Variants in EPHA3 observed in about 807,000 individuals in gnomAD.
EPHA3 encodes EPH receptor A3.
EPHA3 carries 42 observed loss-of-function variants against 107.1 expected under a neutral mutation model. The ratio of observed to expected loss-of-function variants is 0.39; its 90% confidence interval spans 0.31 to 0.51. The LOEUF is 0.51. Among genes scored for constraint, EPHA3 ranks in the 20% least tolerant of loss-of-function variants. EPHA3 has a pLI of 0.78. For synonymous variants in EPHA3, 461 were observed against 424.8 expected (o/e 1.09, Z -1.05); for missense variants, 1,183 against 1,211.2 (o/e 0.98, Z 0.35).
chr3:89,473,247 A>G (rs922420087), intron 16 of EPHA3, among the ~76,000 whole-genome samples: 3 of 152,208 alleles, frequency 2.0e-5, no homozygotes, highest in Non-Finnish European at 2.9e-5. Flanking sequence ...TATGCGTCAT[A>G]ATATTAATAT....
intron 3 of EPHA3, among the ~76,000 whole-genome samples, chr3:89,241,536 A>G (rs1483315753): frequency 3.3e-5 from 5 of 152,152 alleles, no homozygotes; most frequent in Non-Finnish European, 5.9e-5. Context: ...TAATTCCACT[A>G]CCATTACTAA....
At chr3:89,112,545 T>C (rs1257087598) in intron 1 of EPHA3, among the ~76,000 whole-genome samples, 1 of 152,000 alleles carries the variant, frequency 6.6e-6, no homozygotes, top group Non-Finnish European at 1.5e-5. Flanking sequence ...ATAAAATATA[T>C]GCAATTTTTA....
chr3:89,332,975 C>T (rs1246829026), intron 3 of EPHA3, among the ~76,000 whole-genome samples: 17 of 152,106 alleles, frequency 1.1e-4, no homozygotes, highest in Admixed American at 3.3e-4. Flanking sequence ...TGAAAGGCTG[C>T]CTTCTTTCTT....
intron 2 of EPHA3, among the ~76,000 whole-genome samples, chr3:89,202,341 AAAATAAAT>A (rs1374609713): frequency 6.6e-6 from 1 of 151,618 alleles, no homozygotes; most frequent in African/African-American, 2.4e-5. Context: ...CTGAAAATAA[AAAATAAAT>A]AAATAAATAA....
chr3:89,169,000 G>A (rs957820872), intron 2 of EPHA3, among the ~76,000 whole-genome samples: 47 of 151,964 alleles, frequency 3.1e-4, no homozygotes, highest in Admixed American at 2.8e-3. Flanking sequence ...CAATATATTC[G>A]CATTTTTCAG....
intron 15 of EPHA3, among the ~76,000 whole-genome samples, chr3:89,456,664 C>T: frequency 6.6e-6 from 1 of 152,040 alleles, no homozygotes; most frequent in East Asian, 1.9e-4. Context: ...AGCTGATGGT[C>T]AGGGTGGGCC....
At chr3:89,260,231 T>C (rs1467828161) in intron 3 of EPHA3, among the ~76,000 whole-genome samples, 1 of 152,222 alleles carries the variant, frequency 6.6e-6, no homozygotes, top group Non-Finnish European at 1.5e-5. Context: ...GGAAGTTCTA[T>C]TGTTAATTTC....
Position 89,450,220 on chromosome 3 carries a change from T to C in EPHA3, c.2540T>C (p.Met847Thr), listed in dbSNP as rs745355919. 2.5e-6 allele frequency: 4 copies of C among 1,612,866 alleles called. No individual in the cohort carries two copies. The highest frequency in any genetic ancestry group is 1.7e-5 in the Admixed American group (1 of 59,816). ...VDEGYRLPPP[M>T]DCPAALYQLM... ...GAGGGCTATCGACTGCCACCCCCCA[T>C]GGACTGCCCAGCTGCCTTGTATCAG... Residue 847 changes from methionine (M) to threonine (T), a missense_variant, in exon 15 of 17, where the codon ATG (methionine) becomes ACG (threonine). By Grantham distance (81) the Met-to-Thr change is moderately conservative. Transcript: ENST00000336596.
intron 3 of EPHA3, among the ~76,000 whole-genome samples, chr3:89,248,195 A>G (rs898364310): frequency 6.6e-6 from 1 of 152,030 alleles, no homozygotes; most frequent in Non-Finnish European, 1.5e-5. Flanking sequence ...ATCCATGCCC[A>G]TTTTTCTTTC....
At chr3:89,400,192 C>A in intron 7 of EPHA3, 28 of 210,420 alleles carry the variant, frequency 1.3e-4, no homozygotes, top group South Asian at 2.3e-4. Context: ...TTCTTTCTTT[C>A]TTTTTTTTTT....
chr3:89,324,751 T>C (rs1234452823), intron 3 of EPHA3, among the ~76,000 whole-genome samples: 1 of 152,138 alleles, frequency 6.6e-6, no homozygotes, highest in African/African-American at 2.4e-5. Context: ...TCAGGTTTGT[T>C]ATATGGCTAT....
At chr3:89,300,309 T>C (rs1054419401) in intron 3 of EPHA3, among the ~76,000 whole-genome samples, 1 of 152,052 alleles carries the variant, frequency 6.6e-6, no homozygotes, top group Admixed American at 6.6e-5. Flanking sequence ...TCTTACAGCC[T>C]ATTTAGAATT....
At position 89,211,778 on chromosome 3, in the gene EPHA3, T is replaced by C. The variant is rs1284343677; in HGVS notation, c.814+1258T>C. On this transcript the variant is annotated intron_variant, in intron 3 of 16. Coordinates refer to ENST00000336596, the MANE Select transcript of EPHA3 (RefSeq NM_005233.6). ...TTCTTCTTCTTCTTCTTCTTCTTCT[T>C]CTTCTTCTTCTTCTTCTTCTTCTTC... 1.4e-3 allele frequency among the ~76,000 whole-genome samples: 196 copies of C among 141,212 alleles called. 4 individuals are homozygous for C. Among genetic ancestry groups the C allele is most frequent in the East Asian group, 8.6e-3 (42 of 4,894 alleles). The allele number at this position is 141,212 out of a possible 152,430, so 92.6% of individuals were successfully genotyped here.
At chr3:89,326,854 G>C (rs1442113286) in intron 3 of EPHA3, among the ~76,000 whole-genome samples, 2 of 151,240 alleles carry the variant, frequency 1.3e-5, no homozygotes, top group African/African-American at 4.9e-5. Flanking sequence ...TTTTTAATTC[G>C]GAAGCTTCTT....
At chr3:89,461,002 G>C (rs1265461240) in intron 15 of EPHA3, among the ~76,000 whole-genome samples, 6 of 113,924 alleles carry the variant, frequency 5.3e-5, no homozygotes, top group African/African-American at 1.4e-4. Flanking sequence ...ACAGTCCCCA[G>C]AGTGTGATAT....
intron 5 of EPHA3, among the ~76,000 whole-genome samples, chr3:89,386,055 T>C (rs546310842): frequency 2.0e-4 from 30 of 152,252 alleles, no homozygotes; most frequent in African/African-American, 7.0e-4. Flanking sequence ...ATTTAAGGTA[T>C]CTGGTGGAAC....
At chr3:89,277,456 G>T (rs528991047) in intron 3 of EPHA3, among the ~76,000 whole-genome samples, 8 of 152,002 alleles carry the variant, frequency 5.3e-5, no homozygotes, top group Admixed American at 2.6e-4. Context: ...GTCTAAATTG[G>T]CAATTCAAAG....
chr3:89,431,933 A>T (rs1709577524), intron 13 of EPHA3, among the ~76,000 whole-genome samples: 1 of 152,176 alleles, frequency 6.6e-6, no homozygotes. Flanking sequence ...ATTATTCATA[A>T]TACAATTGTA....
chr3:89,142,043 CT>C (rs932881517), intron 2 of EPHA3, among the ~76,000 whole-genome samples: 1 of 151,154 alleles, frequency 6.6e-6, no homozygotes, highest in African/African-American at 2.4e-5. Flanking sequence ...AAAAATAAAA[CT>C]TTTTTCTAAA....
Sources: allele counts gnomAD v4.1 joint callset (sites outside exome capture counted in the v4.1 genomes callset), GRCh38; gene constraint gnomAD v4.1.1; transcripts MANE v1.5; gene names NCBI Gene and HGNC (gene_info 2026-07-23, HGNC 2026-07-21).